WNT7B: variants seen among roughly 807,000 people sequenced by gnomAD.
WNT7B encodes protein Wnt-7b.
WNT7B carries 19 observed loss-of-function variants against 38.2 expected under a neutral mutation model. That is an observed-to-expected ratio of 0.50 (90% CI 0.35 to 0.73). The LOEUF (loss-of-function observed/expected upper bound fraction) is 0.73. WNT7B is among the 30% of genes least tolerant of loss of function. The pLI, the probability that WNT7B is intolerant of heterozygous loss-of-function variation, is 0.01. For synonymous variants in WNT7B, 243 were observed against 209.3 expected (o/e 1.16, Z -1.39); for missense variants, 423 against 507.9 (o/e 0.83, Z 1.61).
rs930088460 is a variant in WNT7B, at chr22:45,966,358, A to G, written c.71+10326T>C. 6.6e-6 allele frequency among the ~76,000 whole-genome samples: 1 copy of G among 152,054 alleles called. No individual in the cohort carries two copies. The highest frequency in any genetic ancestry group is 2.4e-5 in the African/African-American group (1 of 41,384). On this transcript the variant is annotated intron_variant, in intron 1 of 3. Transcript: ENST00000339464. This position sits in a 1 kb window ranked among gnomAD's most constrained non-coding sequence, Gnocchi z 4.2. ...CCTCACCCTGGCCACGCCAATACCC[A>G]CTGCGCGGAGGCCAGCTGAGACACC...
At chr22:45,928,870 A>C (rs1931188150) in intron 3 of WNT7B, among the ~76,000 whole-genome samples, 1 of 135,064 alleles carries the variant, frequency 7.4e-6, no homozygotes, top group African/African-American at 2.7e-5. Flanking sequence ...ATACCACGAC[A>C]TACCACGACC....
At position 45,931,228 on chromosome 22, in the gene WNT7B, C is replaced by T. The variant is rs532315408; in HGVS notation, c.440G>A (p.Trp147Ter). The T allele has an allele frequency of 6.3e-7, 1 of 1,599,400 alleles. No homozygotes were observed. Among genetic ancestry groups the T allele is most frequent in the African/African-American group, 1.3e-5 (1 of 75,062 alleles). ...GTCGGCCGAGCAGCCGCCCCACTTC[C>T]AGCCCTCGGCTTGGTTGTAGTAGCC... ...KQGYYNQAEG[W>*]KWGGCSADVR... Residue 147 changes from tryptophan to a stop codon, truncating the protein, a stop_gained, in exon 3 of 4, where the codon TGG becomes TAG. Coordinates refer to ENST00000339464, the MANE Select transcript of WNT7B (RefSeq NM_058238.3). LOFTEE classifies it high-confidence loss of function.
In WNT7B at chr22:45,975,541, C is replaced by T. The variant is rs757191564; in HGVS notation, c.71+1143G>A. ...CTGCAGGCCTTGGGCCTCAGTTTCT[C>T]CACCTGTAAAATGGCGGGGCAGACA... On this transcript the variant is annotated intron_variant, in intron 1 of 3. Transcript: ENST00000339464. The surrounding 1 kb of genome is among the most constrained non-coding windows in gnomAD (Gnocchi z 6.6). The T allele has an allele frequency of 1.5e-4, 109 of 716,988 alleles. 2 individuals are homozygous for T. The highest frequency in any genetic ancestry group is 8.9e-4 in the South Asian group (60 of 67,520). 44.4% of individuals were successfully genotyped at this position (716,988 alleles called of 1,614,324 possible). A position where few individuals can be genotyped will look rare whatever the true frequency, so the allele number is the denominator to read the frequency against.
At chr22:45,933,409 G>A (rs1216115419) in intron 2 of WNT7B, among the ~76,000 whole-genome samples, 2 of 152,166 alleles carry the variant, frequency 1.3e-5, no homozygotes, top group African/African-American at 4.8e-5. Flanking sequence ...GGAGGATATA[G>A]GAACCCACTT....
At position 45,976,548 on chromosome 22, in the gene WNT7B, C is replaced by T; in HGVS notation, c.71+136G>A. 3 of 933,038 alleles carry T rather than the reference C, an allele frequency of 3.2e-6. No homozygotes were observed. Among genetic ancestry groups the T allele is most frequent in the Non-Finnish European group, 4.8e-6 (3 of 620,052 alleles). The allele number at this position is 933,038 out of a possible 1,614,324, so 57.8% of individuals were successfully genotyped here. A position where few individuals can be genotyped will look rare whatever the true frequency, so the allele number is the denominator to read the frequency against. The stretch of plus-strand genomic sequence containing the variant: ...CTGCTGGCGTGGGGCGAGGGTCTGA[C>T]ACACGGGCCAGCCCCGGAGCCCAGA... On this transcript the variant is annotated intron_variant, in intron 1 of 3. Transcript: ENST00000339464. This position sits in a 1 kb window ranked among gnomAD's most constrained non-coding sequence, Gnocchi z 8.5.
At chr22:45,973,898 C>CT (rs34672378) in intron 1 of WNT7B, among the ~76,000 whole-genome samples, 88,142 of 151,854 alleles carry the variant, frequency 0.58, 25,890 homozygotes, top group East Asian at 0.69. Context: ...GGTGGCCCCC[C>CT]GTGTAATTAA....
In WNT7B at chr22:45,930,049, G is replaced by A. The variant is rs144093106; in HGVS notation, c.570+1049C>T. 6.9e-4 allele frequency among the ~76,000 whole-genome samples: 103 copies of A among 149,278 alleles called. No homozygotes were observed. The Middle Eastern group carries it at 0.01, about 15-fold the overall frequency. ...GAGAAAGTCAAACCCCTGGCCTGGT[G>A]TTCAAGATCTCTTCTGTGCCAGGCC... On this transcript the variant is annotated intron_variant, in intron 3 of 3. Transcript: ENST00000339464.
chr22:45,929,670 A>ATTT (rs199655518), intron 3 of WNT7B, among the ~76,000 whole-genome samples: 19 of 101,992 alleles, frequency 1.9e-4, no homozygotes, highest in Admixed American at 8.7e-4. Context: ...CCACCCGCCC[A>ATTT]TCCTTCCCTC....
chr22:45,965,714 G>A lies in WNT7B; in HGVS notation c.71+10970C>T, dbSNP rs1349086380. Among the ~76,000 whole-genome samples, 1 of 152,182 alleles carries A rather than the reference G, an allele frequency of 6.6e-6. No homozygotes were observed. The highest frequency in any genetic ancestry group is 1.5e-5 in the Non-Finnish European group (1 of 68,018). ...AAGACCCAGAACAGAAGGCCTCTGG[G>A]CTTCCCATACCCGCAGGACAGCTGC... On this transcript the variant is annotated intron_variant, in intron 1 of 3. Transcript: ENST00000339464. The surrounding 1 kb of genome is among the most constrained non-coding windows in gnomAD (Gnocchi z 6.5).
intron 1 of WNT7B, among the ~76,000 whole-genome samples, chr22:45,964,860 G>A (rs186286638): frequency 2.0e-4 from 31 of 152,264 alleles, no homozygotes; most frequent in African/African-American, 4.6e-4. Flanking sequence ...CCTTGGCACC[G>A]CTGCCACCAG....
At position 45,953,942 on chromosome 22, in the gene WNT7B, C is replaced by T. The variant is rs1043784040; in HGVS notation, c.72-3796G>A. Among the ~76,000 whole-genome samples, 3 of 152,144 alleles carry T rather than the reference C, an allele frequency of 2.0e-5. No individual in the cohort carries two copies. In the East Asian group the frequency reaches 5.8e-4, roughly 29 times the overall value. ...AATGAACCGAAGACAGGTGTTTAGACTAAAGTTTGTACACAAATGATCACA... is the reference window on the plus strand; with the variant it reads ...AATGAACCGAAGACAGGTGTTTAGATTAAAGTTTGTACACAAATGATCACA... On this transcript the variant is annotated intron_variant, in intron 1 of 3. Transcript: ENST00000339464.
intron 2 of WNT7B, among the ~76,000 whole-genome samples, chr22:45,931,770 C>A (rs1931369247): frequency 6.6e-6 from 1 of 152,182 alleles, no homozygotes; most frequent in African/African-American, 2.4e-5. Context: ...GTCCATGCCT[C>A]TGCTCCTCCC....
intron 1 of WNT7B, chr22:45,972,116 G>GGGGGCCCCCCCCCCCCCCC: frequency 1.9e-6 from 1 of 530,744 alleles, no homozygotes; most frequent in Non-Finnish European, 3.3e-6. Flanking sequence ...CCCGGGGGGA[G>GGGGGCCCCCCCCCCCCCCC]CCCACCCGCC....
At position 45,935,312 on chromosome 22, in the gene WNT7B, C is replaced by A. The variant is rs1272055681; in HGVS notation, c.299-3943G>T. On this transcript the variant is annotated intron_variant, in intron 2 of 3. Coordinates refer to ENST00000339464, the MANE Select transcript of WNT7B (RefSeq NM_058238.3). ...ACGACTTCCAGTGCCTTGGCCTGGC[C>A]CCCAAGGCCCCAGAGGCCTGACCCC... 6.6e-5 allele frequency among the ~76,000 whole-genome samples: 10 copies of A among 152,336 alleles called. No individual in the cohort carries two copies. In the East Asian group the frequency reaches 1.7e-3, roughly 26 times the overall value.
intron 1 of WNT7B, among the ~76,000 whole-genome samples, chr22:45,961,036 T>C (rs1932184362): frequency 6.6e-6 from 1 of 152,194 alleles, no homozygotes; most frequent in Non-Finnish European, 1.5e-5. Flanking sequence ...GGGTATCTAC[T>C]CACCCAGAAC....
intron 1 of WNT7B, among the ~76,000 whole-genome samples, chr22:45,961,824 C>A (rs979898887): frequency 6.6e-6 from 1 of 152,302 alleles, no homozygotes; most frequent in Non-Finnish European, 1.5e-5. Flanking sequence ...GGTTTGGGGT[C>A]CTGTGTTTGA....
chr22:45,968,940 A>G (rs1392521930), intron 1 of WNT7B, among the ~76,000 whole-genome samples: 1 of 152,222 alleles, frequency 6.6e-6, no homozygotes, highest in African/African-American at 2.4e-5. Context: ...CAGGGCACAC[A>G]GCAGAGCCCC....
chr22:45,935,676 C>T lies in WNT7B; in HGVS notation c.299-4307G>A, dbSNP rs779528755. Reference sequence around the variant, plus strand: ...TGTACCTCCCACCCATCGCTGTTTCCCAAATCCCATGCATGAGCAGGTCTG... The same window carrying T: ...TGTACCTCCCACCCATCGCTGTTTCTCAAATCCCATGCATGAGCAGGTCTG... On this transcript the variant is annotated intron_variant, in intron 2 of 3. Transcript: ENST00000339464. 2.0e-5 allele frequency among the ~76,000 whole-genome samples: 3 copies of T among 152,332 alleles called. No individual in the cohort carries two copies. In the East Asian group the frequency reaches 5.8e-4, roughly 29 times the overall value.
intron 1 of WNT7B, among the ~76,000 whole-genome samples, chr22:45,957,682 C>CAAAAAAAAAAAAAAAAAAAAAAAAAAA (rs367797133): frequency 2.8e-5 from 1 of 36,012 alleles, no homozygotes; most frequent in African/African-American, 9.6e-5. Flanking sequence ...GACTCCGTCT[C>CAAAAAAAAAAAAAAAAAAAAAAAAAAA]AAAAAAAAAA....
Sources: allele counts gnomAD v4.1 joint callset (sites outside exome capture counted in the v4.1 genomes callset), GRCh38; gene constraint gnomAD v4.1.1; non-coding constraint Gnocchi (gnomAD v3.1); transcripts MANE v1.5; gene names NCBI Gene and HGNC (gene_info 2026-07-23, HGNC 2026-07-21).